The following CLSTN2 variants were observed in gnomAD, a reference collection of about 807,000 sequenced individuals.
CLSTN2 encodes the protein calsyntenin-2.
A neutral mutation model predicts 101.2 loss-of-function variants in CLSTN2; 48 were observed. The observed-to-expected ratio is 0.47, with a 90% CI of 0.38 to 0.60. The LOEUF (loss-of-function observed/expected upper bound fraction) is 0.60, where lower values mean the gene tolerates loss of function less well. CLSTN2 is among the 20% of genes least tolerant of loss of function. The probability of loss-of-function intolerance (pLI) is 0.00; values close to 1 mark genes in which losing one functional copy is unlikely to be tolerated. For synonymous variants in CLSTN2, 481 were observed against 463.6 expected (o/e 1.04, Z -0.48); for missense variants, 1,160 against 1,238.2 (o/e 0.94, Z 0.95).
At chr3:140,279,874 T>C (rs1027141273) in intron 2 of CLSTN2, among the ~76,000 whole-genome samples, 5 of 152,214 alleles carry the variant, frequency 3.3e-5, no homozygotes, top group African/African-American at 7.2e-5. Context: ...TCTACACCCA[T>C]TGGCATCCAC....
intron 1 of CLSTN2, among the ~76,000 whole-genome samples, chr3:140,030,495 A>C (rs1259757887): frequency 6.6e-6 from 1 of 152,084 alleles, no homozygotes; most frequent in Non-Finnish European, 1.5e-5. Context: ...CTTTTTTAAA[A>C]ATTAGTCCAG....
intron 4 of CLSTN2, among the ~76,000 whole-genome samples, chr3:140,419,779 G>GTA (rs2088478357): frequency 1.8e-5 from 1 of 56,514 alleles, no homozygotes; most frequent in Non-Finnish European, 2.8e-5. Flanking sequence ...GTGTATACAC[G>GTA]TATATACACG....
chr3:139,940,366 AC>A (rs778270456), intron 1 of CLSTN2, among the ~76,000 whole-genome samples: 4 of 152,096 alleles, frequency 2.6e-5, no homozygotes, highest in Non-Finnish European at 5.9e-5. Flanking sequence ...AAGTTAGTTA[AC>A]CCATCTGAGA....
chr3:140,386,824 A>G (rs1361639435), intron 2 of CLSTN2, among the ~76,000 whole-genome samples: 1 of 152,154 alleles, frequency 6.6e-6, no homozygotes, highest in African/African-American at 2.4e-5. Context: ...TATAATTTTT[A>G]CAGACAATAG....
intron 2 of CLSTN2, among the ~76,000 whole-genome samples, chr3:140,256,932 C>T (rs1037732811): frequency 2.0e-5 from 3 of 152,124 alleles, no homozygotes; most frequent in African/African-American, 7.2e-5. Flanking sequence ...TATGCTAACT[C>T]TATGCTGGGA....
At chr3:140,157,505 A>G (rs775177229) in intron 1 of CLSTN2, among the ~76,000 whole-genome samples, 3 of 152,182 alleles carry the variant, frequency 2.0e-5, no homozygotes, top group Non-Finnish European at 4.4e-5. Flanking sequence ...CATTTCCTCT[A>G]GATTTTCTAA....
intron 1 of CLSTN2, among the ~76,000 whole-genome samples, chr3:139,950,838 C>T (rs1935284020): frequency 6.6e-6 from 1 of 152,194 alleles, no homozygotes; most frequent in South Asian, 2.1e-4. Flanking sequence ...GAATTAGATG[C>T]TTGTTGTCAG....
intron 1 of CLSTN2, among the ~76,000 whole-genome samples, chr3:140,055,749 C>T (rs562884103): frequency 1.2e-4 from 18 of 152,230 alleles, no homozygotes; most frequent in African/African-American, 2.2e-4. Flanking sequence ...CTTAGAAAGG[C>T]GCTAACAGGT....
chr3:140,002,738 T>A (rs1042796898), intron 1 of CLSTN2, among the ~76,000 whole-genome samples: 2 of 152,234 alleles, frequency 1.3e-5, no homozygotes, highest in African/African-American at 4.8e-5. Context: ...TTGATTTTTG[T>A]ATATAGCAAG....
At chr3:140,372,584 G>A (rs2087870769) in intron 2 of CLSTN2, among the ~76,000 whole-genome samples, 1 of 152,172 alleles carries the variant, frequency 6.6e-6, no homozygotes, top group South Asian at 2.1e-4. Flanking sequence ...CTCAAGGCAA[G>A]TAATGGTGAG....
intron 1 of CLSTN2, among the ~76,000 whole-genome samples, chr3:140,172,758 G>A (rs1161386401): frequency 1.3e-5 from 2 of 152,168 alleles, no homozygotes; most frequent in East Asian, 1.9e-4. Flanking sequence ...AACAGGCAAA[G>A]AGAATGAGGA....
At chr3:140,267,472 G>A (rs1456629836) in intron 2 of CLSTN2, among the ~76,000 whole-genome samples, 2 of 152,136 alleles carry the variant, frequency 1.3e-5, no homozygotes, top group Non-Finnish European at 2.9e-5. Context: ...GGATATTGAA[G>A]GAACATTGAA....
chr3:140,461,831 G>C (rs531727046), intron 7 of CLSTN2, among the ~76,000 whole-genome samples: 143 of 151,972 alleles, frequency 9.4e-4, no homozygotes, highest in African/African-American at 3.3e-3. Context: ...TGTTCAGCTT[G>C]GGCCCTTATG....
chr3:140,474,629 A>G (rs1933936735), intron 8 of CLSTN2, among the ~76,000 whole-genome samples: 1 of 152,150 alleles, frequency 6.6e-6, no homozygotes, highest in Admixed American at 6.5e-5. Flanking sequence ...TTGGAAGCTT[A>G]AAGTTAACAA....
At chr3:140,289,974 C>T (rs1225703184) in intron 2 of CLSTN2, among the ~76,000 whole-genome samples, 1 of 150,148 alleles carries the variant, frequency 6.7e-6, no homozygotes, top group Non-Finnish European at 1.5e-5. Flanking sequence ...AAAAGGGTCT[C>T]AGAAGTCTCT....
Position 140,566,546 on chromosome 3 carries a change from CT to C in CLSTN2, c.*296del. ...CTGACTACCTGTCTGCAGAGTTTGCCTTTGTTTTTTCCTGCAGGGAAGAAGG... is the reference window on the plus strand; with the variant it reads ...CTGACTACCTGTCTGCAGAGTTTGCCTTGTTTTTTCCTGCAGGGAAGAAGG... On this transcript the variant is annotated 3_prime_UTR_variant, in exon 17 of 17. Transcript: ENST00000458420. 2.3e-6 allele frequency: 1 copy of C among 431,628 alleles called. No individual in the cohort carries two copies. 26.7% of individuals were successfully genotyped at this position (431,628 alleles called of 1,614,324 possible).
intron 2 of CLSTN2, among the ~76,000 whole-genome samples, chr3:140,264,947 G>C (rs370370974): frequency 6.6e-6 from 1 of 152,258 alleles, no homozygotes; most frequent in Admixed American, 6.5e-5. Context: ...TCTCTGCCCT[G>C]AAGGAGCTCA....
chr3:140,188,238 A>G (rs1486104107), intron 2 of CLSTN2, among the ~76,000 whole-genome samples: 2 of 152,234 alleles, frequency 1.3e-5, no homozygotes, highest in African/African-American at 4.8e-5. Context: ...TCCTGGGCTC[A>G]GTCCCGAATT....
At chr3:140,037,117 A>G (rs1375050512) in intron 1 of CLSTN2, among the ~76,000 whole-genome samples, 1 of 152,214 alleles carries the variant, frequency 6.6e-6, no homozygotes, top group Non-Finnish European at 1.5e-5. Flanking sequence ...AAATACATCA[A>G]GGACACTTTT....
Sources: gnomAD v4.1 joint callset for allele counts (sites outside exome capture counted in the v4.1 genomes callset) on GRCh38, gnomAD v4.1.1 for gene constraint, MANE v1.5 for transcripts, NCBI Gene and HGNC (gene_info 2026-07-23, HGNC 2026-07-21) for gene names.